The following DLG2 variants were observed in gnomAD, a reference collection of about 807,000 sequenced individuals.
DLG2 encodes disks large homolog 2.
A neutral mutation model predicts 132.5 loss-of-function variants in DLG2; 45 were observed. That is an observed-to-expected ratio of 0.34 (90% CI 0.27 to 0.44). The LOEUF (loss-of-function observed/expected upper bound fraction) is 0.44, where lower values mean the gene tolerates loss of function less well. Ranked by LOEUF, DLG2 falls within the 20% of genes least tolerant of loss-of-function variation. DLG2 has a pLI of 1.00. For missense variants in DLG2, 1,045 were observed against 1,196.9 expected (o/e 0.87, Z 1.87); for synonymous variants, 424 against 419.6 (o/e 1.01, Z -0.13).
At chr11:85,382,102 G>T (rs1278206455) in intron 3 of DLG2, among the ~76,000 whole-genome samples, 1 of 152,108 alleles carries the variant, frequency 6.6e-6, no homozygotes, top group Non-Finnish European at 1.5e-5. Context: ...CAAAGTTGGA[G>T]AACTCACACT....
intron 19 of DLG2, among the ~76,000 whole-genome samples, chr11:83,624,778 A>C (rs2062213228): frequency 6.6e-6 from 1 of 152,226 alleles, no homozygotes; most frequent in Non-Finnish European, 1.5e-5. Context: ...ATAAGTTATG[A>C]ATTCTGGATG....
chr11:83,978,162 T>G (rs909642418), intron 12 of DLG2, among the ~76,000 whole-genome samples: 1 of 151,980 alleles, frequency 6.6e-6, no homozygotes, highest in Non-Finnish European at 1.5e-5. Flanking sequence ...ACAGAATTAT[T>G]TGGAGCAAGT....
At chr11:85,473,592 A>C (rs2093052481) in intron 3 of DLG2, among the ~76,000 whole-genome samples, 1 of 152,150 alleles carries the variant, frequency 6.6e-6, no homozygotes, top group South Asian at 2.1e-4. Flanking sequence ...TAAATTTTTA[A>C]CATAATGACC....
Position 84,837,114 on chromosome 11 carries a change from A to T in DLG2, c.357+274547T>A, listed in dbSNP as rs149528266. On this transcript the variant is annotated intron_variant, in intron 6 of 27. Coordinates refer to ENST00000376104, the MANE Select transcript of DLG2 (RefSeq NM_001142699.3). ...CTATGAGTGAGAACATATAACATAT[A>T]CTTCTTAGCAAGCCTATGACCATGA... Among the ~76,000 whole-genome samples the T allele has an allele frequency of 2.5e-3, 380 of 151,814 alleles. 2 individuals carry two copies. The highest frequency in any genetic ancestry group is 4.3e-3 in the Admixed American group (66 of 15,204).
Position 83,907,966 on chromosome 11 carries a change from T to C in DLG2, c.1496+22362A>G, listed in dbSNP as rs899776890. Among the ~76,000 whole-genome samples the C allele has an allele frequency of 5.9e-5, 9 of 152,174 alleles. No individual in the cohort carries two copies. The East Asian group carries it at 9.6e-4, about 16-fold the overall frequency. Reference sequence around the variant, plus strand: ...GACCATCCCTCCTCAGCTTCCCAAGTAGCTTGCCTCCATTATGGCAACTGT... The same window carrying C: ...GACCATCCCTCCTCAGCTTCCCAAGCAGCTTGCCTCCATTATGGCAACTGT... On this transcript the variant is annotated intron_variant, in intron 15 of 27. Transcript: ENST00000376104.
intron 6 of DLG2, among the ~76,000 whole-genome samples, chr11:84,663,242 T>C (rs2099696496): frequency 1.5e-5 from 1 of 66,368 alleles, no homozygotes; most frequent in Non-Finnish European, 2.9e-5. Flanking sequence ...TATATATATA[T>C]ATATATATTT....
At chr11:83,938,470 A>T (rs750951128) in intron 14 of DLG2, among the ~76,000 whole-genome samples, 1 of 152,200 alleles carries the variant, frequency 6.6e-6, no homozygotes, top group Non-Finnish European at 1.5e-5. Flanking sequence ...AACATGTTCC[A>T]TTTAGGGAGT....
chr11:83,746,536 A>G (rs2153727725), intron 18 of DLG2, among the ~76,000 whole-genome samples: 1 of 151,742 alleles, frequency 6.6e-6, no homozygotes, highest in Non-Finnish European at 1.5e-5. Context: ...ATGAGAACAC[A>G]TGGACACAGG....
chr11:85,581,682 A>C (rs749624266), intron 3 of DLG2, among the ~76,000 whole-genome samples: 1 of 152,150 alleles, frequency 6.6e-6, no homozygotes, highest in Admixed American at 6.5e-5. Flanking sequence ...ACCTGCTAGG[A>C]CTATGACTGA....
chr11:85,413,703 C>T (rs1363574564), intron 3 of DLG2, among the ~76,000 whole-genome samples: 1 of 151,822 alleles, frequency 6.6e-6, no homozygotes, highest in Non-Finnish European at 1.5e-5. Flanking sequence ...TGTTGACGAT[C>T]AGTTAGCTGT....
chr11:83,466,831 A>T lies in DLG2; in HGVS notation c.2620-14T>A. Reference sequence around the variant, plus strand: ...ACAGTGTTTGCCCTGGTAGAAAGAGAAGAAAAATATGAAGTTAATATAGGA... The same window carrying T: ...ACAGTGTTTGCCCTGGTAGAAAGAGTAGAAAAATATGAAGTTAATATAGGA... On this transcript the variant is annotated splice_polypyrimidine_tract_variant and intron_variant, in intron 25 of 27. Coordinates refer to ENST00000376104, the MANE Select transcript of DLG2 (RefSeq NM_001142699.3). The T allele has an allele frequency of 2.6e-6, 4 of 1,567,610 alleles. No individual in the cohort carries two copies. Among genetic ancestry groups the T allele is most frequent in the Non-Finnish European group, 3.5e-6 (4 of 1,137,852 alleles).
At chr11:83,705,584 C>T (rs538271150) in intron 18 of DLG2, among the ~76,000 whole-genome samples, 1 of 152,194 alleles carries the variant, frequency 6.6e-6, no homozygotes, top group South Asian at 2.1e-4. Flanking sequence ...AAATAAACTT[C>T]TAACCCTTTA....
intron 3 of DLG2, among the ~76,000 whole-genome samples, chr11:85,416,403 T>G (rs564899367): frequency 6.6e-6 from 1 of 152,342 alleles, no homozygotes; most frequent in South Asian, 2.1e-4. Flanking sequence ...TCTTTTTGCT[T>G]AGAATTGTCT....
chr11:84,784,851 T>A (rs1319361906), intron 6 of DLG2, among the ~76,000 whole-genome samples: 2 of 152,030 alleles, frequency 1.3e-5, no homozygotes, highest in African/African-American at 4.8e-5. Flanking sequence ...AAATTTCAGA[T>A]AGGAGGAGTA....
intron 6 of DLG2, among the ~76,000 whole-genome samples, chr11:84,988,943 A>G (rs2056799722): frequency 6.6e-6 from 1 of 152,178 alleles, no homozygotes; most frequent in Non-Finnish European, 1.5e-5. Context: ...GATGACATCA[A>G]TTTCTACATA....
intron 6 of DLG2, among the ~76,000 whole-genome samples, chr11:84,620,999 G>T (rs2099612897): frequency 6.6e-6 from 1 of 152,190 alleles, no homozygotes; most frequent in South Asian, 2.1e-4. Flanking sequence ...ATTGCACAGA[G>T]TAGAAACGAA....
intron 21 of DLG2, among the ~76,000 whole-genome samples, chr11:83,519,111 G>A (rs1790041781): frequency 6.6e-6 from 1 of 152,124 alleles, no homozygotes; most frequent in South Asian, 2.1e-4. Flanking sequence ...TGACTCCAAG[G>A]TGTCAGTCTC....
At chr11:83,862,240 C>T (rs2061567732) in intron 16 of DLG2, among the ~76,000 whole-genome samples, 1 of 152,108 alleles carries the variant, frequency 6.6e-6, no homozygotes, top group African/African-American at 2.4e-5. Flanking sequence ...TACAAATACA[C>T]AATGCACTAC....
intron 6 of DLG2, among the ~76,000 whole-genome samples, chr11:84,726,486 G>A (rs189077083): frequency 1.4e-3 from 219 of 152,206 alleles, no homozygotes; most frequent in Middle Eastern, 3.4e-3. Context: ...GTGTATATGT[G>A]CCACACTTTC....
Sources: allele counts gnomAD v4.1 joint callset (sites outside exome capture counted in the v4.1 genomes callset), GRCh38; gene constraint gnomAD v4.1.1; transcripts MANE v1.5; gene names NCBI Gene and HGNC (gene_info 2026-07-23, HGNC 2026-07-21).